The following SSB variants were observed in gnomAD, a reference collection of about 807,000 sequenced individuals.
SSB encodes lupus La protein.
In SSB, 17 loss-of-function variants were observed where a neutral mutation model predicts 52.9. That is an observed-to-expected ratio of 0.32 (90% CI 0.22 to 0.48). The LOEUF is 0.48. Ranked by LOEUF, SSB falls within the 20% of genes least tolerant of loss-of-function variation. The probability of loss-of-function intolerance (pLI) is 0.99; values close to 1 mark genes in which losing one functional copy is unlikely to be tolerated. For synonymous variants in SSB, 111 were observed against 152.1 expected (o/e 0.73, Z 1.99); for missense variants, 314 against 463.6 (o/e 0.68, Z 2.96).
At position 169,803,809 on chromosome 2, in the gene SSB, G is replaced by T. The variant is rs374560466; in HGVS notation, c.67-1665G>T. ...CTGGAGTACAGTGGCGGTGATCTCA[G>T]CTCACTGCAACCTCCACCTCCCGGG... On this transcript the variant is annotated intron_variant, in intron 2 of 11. Transcript: ENST00000260956. Among the ~76,000 whole-genome samples the T allele has an allele frequency of 1.1e-4, 17 of 151,748 alleles. No individual in the cohort carries two copies. The East Asian group carries it at 2.7e-3, about 24-fold the overall frequency.
intron 9 of SSB, 30 bp downstream of exon 9, chr2:169,810,453 A>C: frequency 6.4e-7 from 1 of 1,563,922 alleles, no homozygotes; most frequent in Non-Finnish European, 8.6e-7. Context: ...CTTTTTAGCA[A>C]TCAGTTTGAA....
chr2:169,809,621 T>G (rs991729561), intron 8 of SSB, among the ~76,000 whole-genome samples: 15 of 151,964 alleles, frequency 9.9e-5, no homozygotes, highest in African/African-American at 2.9e-4. Flanking sequence ...AAATTTTTTT[T>G]TTTCTTTTTT....
At chr2:169,810,085 G>T in intron 8 of SSB, 198 bp from the exon 9 acceptor site, 1 of 324,364 alleles carries the variant, frequency 3.1e-6, no homozygotes, top group Non-Finnish European at 5.5e-6. Context: ...CCAACACTAT[G>T]AAACTACTTT....
At chr2:169,804,060 T>C (rs1689769436) in intron 2 of SSB, among the ~76,000 whole-genome samples, 1 of 151,988 alleles carries the variant, frequency 6.6e-6, no homozygotes, top group Admixed American at 6.6e-5. Flanking sequence ...CTTTAACTGT[T>C]TTCTATTAGG....
chr2:169,810,288 T>A lies in SSB; in HGVS notation c.675T>A (p.Ser225=), dbSNP rs1356574651. Reference sequence around the variant, plus strand: ...CACTTTGTATATTTTTATAGAAATCTCTAGAAGAAAAGATTGGATGCTTGC... The same window carrying A: ...CACTTTGTATATTTTTATAGAAATCACTAGAAGAAAAGATTGGATGCTTGC... ...QKLEEDAEMK[S]LEEKIGCLLK... is the part of the protein sequence containing the mutation. The change falls in exon 9 of 12, where the codon TCT becomes TCA. Residue 225 remains serine, a synonymous_variant. Transcript: ENST00000260956. 1.1e-5 allele frequency: 17 copies of A among 1,601,340 alleles called. No individual in the cohort carries two copies. The highest frequency in any genetic ancestry group is 1.4e-5 in the Non-Finnish European group (16 of 1,176,696).
intron 1 of SSB, among the ~76,000 whole-genome samples, chr2:169,800,258 C>A (rs550929267): frequency 6.6e-6 from 1 of 152,094 alleles, no homozygotes; most frequent in Admixed American, 6.5e-5. Context: ...AGGCCGGGCG[C>A]GGTGGCTCAC....
At position 169,810,265 on chromosome 2, in the gene SSB, CTT is replaced by C. The variant is rs773223897; in HGVS notation, c.670-16_670-15del. 2 of 1,587,250 alleles carry C rather than the reference CTT, an allele frequency of 1.3e-6. No homozygotes were observed. Among genetic ancestry groups the C allele is most frequent in the African/African-American group, 2.7e-5 (2 of 73,372 alleles). ...TTGCTTTTAAGAAACTTTTTGATCA[CTT>C]TGTATATTTTTATAGAAATCTCTAG... On this transcript the variant is annotated splice_polypyrimidine_tract_variant and intron_variant, in intron 8 of 11. Transcript: ENST00000260956.
intron 7 of SSB, 41 bp from the exon 8 acceptor site, chr2:169,808,819 T>C (rs371123152): frequency 4.9e-6 from 7 of 1,423,088 alleles, no homozygotes; most frequent in African/African-American, 2.9e-5. Flanking sequence ...TTTTCTTATA[T>C]AGTAAATAGA....
intron 6 of SSB, among the ~76,000 whole-genome samples, chr2:169,807,951 C>T (rs1202184625): frequency 6.6e-6 from 1 of 151,850 alleles, no homozygotes; most frequent in East Asian, 1.9e-4. Context: ...TAGAGATGCA[C>T]TGTGATGGGT....
At chr2:169,802,698 T>G (rs1223911885) in intron 2 of SSB, among the ~76,000 whole-genome samples, 2 of 152,152 alleles carry the variant, frequency 1.3e-5, no homozygotes, top group Non-Finnish European at 2.9e-5. Context: ...TTTACAACAG[T>G]TCTAGGTTTA....
chr2:169,807,284 TTTTTTC>T (rs905213916), intron 6 of SSB, among the ~76,000 whole-genome samples: 10 of 152,268 alleles, frequency 6.6e-5, no homozygotes, highest in African/African-American at 1.4e-4. Flanking sequence ...TTAACAATTT[TTTTTTC>T]TTTTTCTTTT....
At chr2:169,801,891 G>A (rs1470890389) in intron 2 of SSB, among the ~76,000 whole-genome samples, 6 of 151,764 alleles carry the variant, frequency 4.0e-5, no homozygotes, top group East Asian at 1.9e-4. Flanking sequence ...TCAAATTTAG[G>A]TATTATGTTT....
rs576964590 is a variant in SSB, at chr2:169,799,180, G to A, written c.-10+204G>A. Reference sequence around the variant, plus strand: ...GCGGCGGCGAGGCTGCCCCCGCGAGGAATGCGGGATCCTGGGGTTCCCCGC... The same window carrying A: ...GCGGCGGCGAGGCTGCCCCCGCGAGAAATGCGGGATCCTGGGGTTCCCCGC... On this transcript the variant is annotated intron_variant, in intron 1 of 11. Transcript: ENST00000260956. The A allele has an allele frequency of 8.6e-5, 13 of 152,002 alleles. No homozygotes were observed. In the South Asian group the frequency reaches 2.1e-3, roughly 24 times the overall value. The allele number at this position is 152,002 out of a possible 1,614,324, so 9.4% of individuals were successfully genotyped here.
intron 1 of SSB, among the ~76,000 whole-genome samples, chr2:169,800,297 G>A (rs1353548842): frequency 6.6e-6 from 1 of 152,218 alleles, no homozygotes; most frequent in Admixed American, 6.5e-5. Context: ...TTGGGAGGCC[G>A]AGGCGGGTGG....
At chr2:169,800,602 A>T (rs879406724) in intron 1 of SSB, among the ~76,000 whole-genome samples, 8 of 151,588 alleles carry the variant, frequency 5.3e-5, no homozygotes, top group Non-Finnish European at 1.2e-4. Flanking sequence ...GGTAATATAC[A>T]GATAGATAGT....
At chr2:169,805,914 G>C (rs1689819673) in intron 4 of SSB, 75 bp downstream of exon 4, 6 of 1,331,254 alleles carry the variant, frequency 4.5e-6, no homozygotes, top group Non-Finnish European at 1.1e-6. Context: ...AAGGGCTCAG[G>C]AATCACAGCC....
Position 169,810,299 on chromosome 2 carries a change from A to G in SSB, c.686A>G (p.Lys229Arg), listed in dbSNP as rs748264074. Reference sequence around the variant, plus strand: ...TTTTTATAGAAATCTCTAGAAGAAAAGATTGGATGCTTGCTGAAATTTTCG... The same window carrying G: ...TTTTTATAGAAATCTCTAGAAGAAAGGATTGGATGCTTGCTGAAATTTTCG... ...EDAEMKSLEE[K>R]IGCLLKFSGD... The change falls in exon 9 of 12, where the codon AAG becomes AGG. Residue 229 changes from lysine to arginine, a missense_variant. Lys to Arg is a conservative substitution (Grantham distance 26, BLOSUM62 2). Coordinates refer to ENST00000260956, the MANE Select transcript of SSB (RefSeq NM_003142.5). The G allele has an allele frequency of 3.7e-6, 6 of 1,603,660 alleles. No homozygotes were observed. The South Asian group carries it at 4.5e-5, about 12-fold the overall frequency.
Position 169,812,007 on chromosome 2 carries a change from G to C in SSB, c.*251G>C. On this transcript the variant is annotated 3_prime_UTR_variant, in exon 12 of 12. Coordinates refer to ENST00000260956, the MANE Select transcript of SSB (RefSeq NM_003142.5). ...TTCCATTAAATTGCCTTTGTAATAT[G>C]AGAATGTATTAGTACAAACTAACTA... 1.2e-6 allele frequency: 1 copy of C among 861,872 alleles called. No homozygotes were observed. 53.4% of individuals were successfully genotyped at this position (861,872 alleles called of 1,614,324 possible).
At chr2:169,799,272 T>C (rs1252526456) in intron 1 of SSB, 4 of 133,590 alleles carry the variant, frequency 3.0e-5, no homozygotes, top group Non-Finnish European at 4.7e-5. Context: ...CTCATCCCCA[T>C]TGCGTCTTTT....
Sources: allele counts gnomAD v4.1 joint callset (sites outside exome capture counted in the v4.1 genomes callset), GRCh38; gene constraint gnomAD v4.1.1; transcripts MANE v1.5; gene names NCBI Gene and HGNC (gene_info 2026-07-23, HGNC 2026-07-21).